The following PHKG1 variants were observed in gnomAD, a reference collection of about 807,000 sequenced individuals.
The protein encoded by PHKG1 is phosphorylase b kinase gamma catalytic chain, skeletal muscle/heart isoform.
A neutral mutation model predicts 50.5 loss-of-function variants in PHKG1; 48 were observed. The observed-to-expected ratio is 0.95, with a 90% CI of 0.75 to 1.21. The LOEUF (loss-of-function observed/expected upper bound fraction) is 1.21, where lower values mean the gene tolerates loss of function less well. Among genes scored for constraint, PHKG1 ranks in the 50% most tolerant of loss-of-function variants. PHKG1 has a pLI of 0.00. For synonymous variants in PHKG1, 204 were observed against 212.8 expected (o/e 0.96, Z 0.36); for missense variants, 487 against 519.5 (o/e 0.94, Z 0.61).
intron 2 of PHKG1, among the ~76,000 whole-genome samples, 182 bp from the exon 3 acceptor site, chr7:56,087,958 C>G (rs1367004638): frequency 6.9e-6 from 1 of 144,966 alleles, no homozygotes; most frequent in African/African-American, 2.6e-5. Flanking sequence ...TTGCCCAGAA[C>G]TGGTGAGTAA....
intron 5 of PHKG1, 36 bp from the exon 6 acceptor site, chr7:56,083,477 C>G (rs1796116068): frequency 6.2e-7 from 1 of 1,610,240 alleles, no homozygotes; most frequent in South Asian, 1.1e-5. Flanking sequence ...TCTTCCTCTG[C>G]TCAGGGTCAG....
chr7:56,085,758 A>G (rs1218156365), intron 4 of PHKG1, among the ~76,000 whole-genome samples: 1 of 152,060 alleles, frequency 6.6e-6, no homozygotes, highest in Non-Finnish European at 1.5e-5. Context: ...TGAGGTCAGG[A>G]GTTCGAGACC....
Position 56,081,857 on chromosome 7 carries a change from C to T in PHKG1, c.792+36G>A. ...CGGGCAGGGGCGCCTGGCATCGCAG[C>T]CCTGAGCCCAGGAGCCAGTTGGCCT... On this transcript the variant is annotated intron_variant, in intron 8 of 9. Coordinates refer to ENST00000297373, the MANE Select transcript of PHKG1 (RefSeq NM_006213.5). The surrounding 1 kb of genome is among the most constrained non-coding windows in gnomAD (Gnocchi z 4.6). The T allele has an allele frequency of 1.9e-6, 3 of 1,611,850 alleles. No individual in the cohort carries two copies. The highest frequency in any genetic ancestry group is 2.5e-6 in the Non-Finnish European group (3 of 1,179,126).
At position 56,081,748 on chromosome 7, in the gene PHKG1, C is replaced by T. The variant is rs756979048; in HGVS notation, c.800G>A (p.Arg267Gln). The change falls in exon 9 of 10, where the codon CGA becomes CAA. Residue 267 changes from arginine (R) to glutamine (Q), a missense_variant. Arg to Gln is a conservative substitution (Grantham distance 43). Transcript: ENST00000297373. The surrounding 1 kb of genome is among the most constrained non-coding windows in gnomAD (Gnocchi z 4.6). ...GTTCTGGGGTTGCACCACCAGGAAT[C>T]GGGAGACCTGTGAGAGGAGGAGAGG... ...YSDTVKDLVS[R>Q]FLVVQPQNRY... The T allele has an allele frequency of 1.2e-5, 19 of 1,613,332 alleles. No homozygotes were observed. Among genetic ancestry groups the T allele is most frequent in the Admixed American group, 3.3e-5 (2 of 59,972 alleles).
rs114232989 is a variant in PHKG1 at position 56,084,665 on chromosome 7, G to T, written c.318-950C>A. ...TGGGATTACAGGCGTGAGCCACCACGCCTGGCCGAGTATCCCGATTTTTTC... is the reference window on the plus strand; with the variant it reads ...TGGGATTACAGGCGTGAGCCACCACTCCTGGCCGAGTATCCCGATTTTTTC... On this transcript the variant is annotated intron_variant, in intron 4 of 9. Coordinates refer to ENST00000297373, the MANE Select transcript of PHKG1 (RefSeq NM_006213.5). Among the ~76,000 whole-genome samples, 813 of 152,026 alleles carry T rather than the reference G, an allele frequency of 5.3e-3. 8 individuals carry two copies. Among genetic ancestry groups the T allele is most frequent in the African/African-American group, 0.019 (783 of 41,484 alleles).
At chr7:56,087,557 C>T (rs1562880671) in intron 3 of PHKG1, 41 bp downstream of exon 3, 2 of 1,589,786 alleles carry the variant, frequency 1.3e-6, no homozygotes, top group African/African-American at 1.3e-5. Context: ...GGCAGAATCA[C>T]AGGGGGGCAC....
At chr7:56,087,518 G>C (rs1318628781) in intron 3 of PHKG1, 80 bp downstream of exon 3, 1 of 1,407,234 alleles carries the variant, frequency 7.1e-7, no homozygotes, top group Non-Finnish European at 9.8e-7. Flanking sequence ...CTGTGCGGTG[G>C]GGCCACACTC....
intron 1 of PHKG1, among the ~76,000 whole-genome samples, chr7:56,092,343 G>A (rs1398498144): frequency 2.0e-5 from 3 of 152,198 alleles, no homozygotes; most frequent in African/African-American, 7.2e-5. Flanking sequence ...TGAGATCTCA[G>A]CTCACTGCAA....
In PHKG1 at chr7:56,081,122, T is replaced by C. The variant is rs1220800837; in HGVS notation, c.1096A>G (p.Asn366Asp). The C allele has an allele frequency of 6.2e-7, 1 of 1,613,722 alleles. No homozygotes were observed. Among genetic ancestry groups the C allele is most frequent in the South Asian group, 1.1e-5 (1 of 91,066 alleles). ...GTGTTCTCGAAAAGGGCTGCCCGGT[T>C]CTGCTGCTGCCCCTTCTTCACCCAG... is the stretch of plus-strand genomic sequence containing the variant. ...GHWVKKGQQQ[N>D]RAALFENTPK... Residue 366 changes from asparagine (N) to aspartate (D), a missense_variant, in exon 10 of 10, where the codon AAC (asparagine) becomes GAC (aspartate). Transcript: ENST00000297373. The surrounding 1 kb of genome is among the most constrained non-coding windows in gnomAD (Gnocchi z 4.6).
Position 56,082,276 on chromosome 7 carries a change from G to A in PHKG1, c.548-23C>T, listed in dbSNP as rs1424916182. 3.1e-6 allele frequency: 5 copies of A among 1,591,618 alleles called. No homozygotes were observed. The Admixed American group carries it at 6.7e-5, about 21-fold the overall frequency. ...CCTCTGCAGGAACAGTCATCATCAG[G>A]GCAGGTCAGCAGGGCACTCAGAAGA... On this transcript the variant is annotated intron_variant, in intron 6 of 9. Coordinates refer to ENST00000297373, the MANE Select transcript of PHKG1 (RefSeq NM_006213.5).
chr7:56,084,030 T>C (rs1796143859), intron 4 of PHKG1: 1 of 636,810 alleles, frequency 1.6e-6, no homozygotes. Context: ...TTTCATGAGG[T>C]AGGCATTTCT....
intron 1 of PHKG1, among the ~76,000 whole-genome samples, chr7:56,091,696 G>C (rs565309996): frequency 6.6e-6 from 1 of 152,210 alleles, no homozygotes. Context: ...TCACAAAGGA[G>C]CCAATTTGCT....
chr7:56,085,629 G>A (rs987210529), intron 4 of PHKG1, among the ~76,000 whole-genome samples: 4 of 152,004 alleles, frequency 2.6e-5, no homozygotes, highest in East Asian at 1.9e-4. Context: ...TTCCAATCCC[G>A]CCTCATTACA....
chr7:56,092,130 C>T (rs1457646504), intron 1 of PHKG1, among the ~76,000 whole-genome samples: 1 of 152,214 alleles, frequency 6.6e-6, no homozygotes, highest in African/African-American at 2.4e-5. Context: ...CTGCACTCAC[C>T]TTTCCTGGGG....
rs911041281 is a variant in PHKG1 at position 56,083,386 on chromosome 7, C to T, written c.439G>A (p.Val147Met). 26 of 1,613,996 alleles carry T rather than the reference C, an allele frequency of 1.6e-5. No homozygotes were observed. Among genetic ancestry groups the T allele is most frequent in the African/African-American group, 2.7e-5 (2 of 74,914 alleles). ...TTCTCGGGCTTCAGGTCCCGGTGCA[C>T]GATGTTGAGTTTGTGCAAGGTGCAG... ...VICTLHKLNI[V>M]HRDLKPENIL... The change falls in exon 6 of 10, where the codon GTG becomes ATG. Residue 147 changes from valine (V) to methionine (M), a missense_variant. Val to Met is a conservative substitution (Grantham distance 21). Transcript: ENST00000297373.
intron 4 of PHKG1, chr7:56,084,090 A>C (rs1796145690): frequency 3.3e-6 from 3 of 922,064 alleles, no homozygotes; most frequent in Non-Finnish European, 5.0e-6. Flanking sequence ...CCAGGCCAGG[A>C]TGGCTAGAAG....
At chr7:56,092,373 A>G (rs575487561) in intron 1 of PHKG1, among the ~76,000 whole-genome samples, 4 of 152,294 alleles carry the variant, frequency 2.6e-5, no homozygotes, top group African/African-American at 9.6e-5. Flanking sequence ...TCCGGGTTCA[A>G]GCGATTCTCT....
At chr7:56,084,369 GAT>G in intron 4 of PHKG1, 1 of 473,432 alleles carries the variant, frequency 2.1e-6, no homozygotes, top group Non-Finnish European at 3.7e-6. Flanking sequence ...TGAGTATCCC[GAT>G]TTTTTTTTTT....
Position 56,081,874 on chromosome 7 carries a change from A to G in PHKG1, c.792+19T>C, listed in dbSNP as rs751734916. On this transcript the variant is annotated intron_variant, in intron 8 of 9. Transcript: ENST00000297373. The surrounding 1 kb of genome is among the most constrained non-coding windows in gnomAD (Gnocchi z 4.6). Reference sequence around the variant, plus strand: ...CATCGCAGCCCTGAGCCCAGGAGCCAGTTGGCCTGGCCTCTCACCAGGTCC... The same window carrying G: ...CATCGCAGCCCTGAGCCCAGGAGCCGGTTGGCCTGGCCTCTCACCAGGTCC... 6 of 1,612,802 alleles carry G rather than the reference A, an allele frequency of 3.7e-6. No individual in the cohort carries two copies. The South Asian group carries it at 6.6e-5, about 18-fold the overall frequency.
Sources: gnomAD v4.1 joint callset for allele counts (sites outside exome capture counted in the v4.1 genomes callset) on GRCh38, gnomAD v4.1.1 for gene constraint, Gnocchi (gnomAD v3.1) non-coding constraint, MANE v1.5 for transcripts, NCBI Gene and HGNC (gene_info 2026-07-23, HGNC 2026-07-21) for gene names.